Variants in CDH13 observed in about 807,000 individuals in gnomAD.
The protein encoded by CDH13 is cadherin-13.
Under a neutral mutation model 63.8 loss-of-function variants are expected in CDH13, and 24 were observed. The ratio of observed to expected loss-of-function variants is 0.38; its 90% CI spans 0.27 to 0.53. The LOEUF (loss-of-function observed/expected upper bound fraction) is 0.53, where lower values mean the gene tolerates loss of function less well. Among genes scored for constraint, CDH13 ranks in the 20% least tolerant of loss-of-function variants. CDH13 has a pLI of 0.85. For synonymous variants in CDH13, 503 were observed against 355.3 expected, an observed-to-expected ratio of 1.42 and a Z score of -4.67; for missense variants, 1,049 against 903.1, an observed-to-expected ratio of 1.16 and a Z score of -2.07.
intron 1 of CDH13, among the ~76,000 whole-genome samples, chr16:82,832,865 G>A (rs1445644315): frequency 6.6e-6 from 1 of 152,166 alleles, no homozygotes; most frequent in African/African-American, 2.4e-5. Context: ...AGGAACATAG[G>A]CAGATTTTGA....
chr16:82,716,676 G>A (rs1182099690), intron 1 of CDH13, among the ~76,000 whole-genome samples: 1 of 150,220 alleles, frequency 6.7e-6, no homozygotes, highest in South Asian at 2.2e-4. Flanking sequence ...GTATTAAGGG[G>A]GGTGACTAGT....
intron 1 of CDH13, among the ~76,000 whole-genome samples, chr16:82,835,464 A>C (rs748891795): frequency 2.0e-5 from 3 of 152,218 alleles, no homozygotes; most frequent in Non-Finnish European, 4.4e-5. Context: ...GTACCCACCC[A>C]GCAAATTTCC....
At chr16:83,018,129 A>G (rs1914983606) in intron 2 of CDH13, among the ~76,000 whole-genome samples, 1 of 152,192 alleles carries the variant, frequency 6.6e-6, no homozygotes, top group Non-Finnish European at 1.5e-5. Context: ...CCCCAGTTCT[A>G]CAAGTAAACC....
At chr16:83,399,042 C>A (rs1220330578) in intron 6 of CDH13, among the ~76,000 whole-genome samples, 4 of 152,210 alleles carry the variant, frequency 2.6e-5, no homozygotes, top group Non-Finnish European at 5.9e-5. Context: ...ATAGACCATT[C>A]AAATGCTTTA....
intron 6 of CDH13, among the ~76,000 whole-genome samples, chr16:83,474,723 C>G (rs1174920755): frequency 6.6e-6 from 1 of 152,152 alleles, no homozygotes; most frequent in Non-Finnish European, 1.5e-5. Flanking sequence ...GCTGGGAGCC[C>G]GAGGAATAAA....
At chr16:82,774,993 G>A (rs1476917393) in intron 1 of CDH13, among the ~76,000 whole-genome samples, 1 of 152,214 alleles carries the variant, frequency 6.6e-6, no homozygotes, top group Non-Finnish European at 1.5e-5. Context: ...CCAGGAGCAA[G>A]ATTGGGTTGC....
chr16:83,781,286 A>C (rs1202145731), intron 12 of CDH13, among the ~76,000 whole-genome samples: 1 of 152,164 alleles, frequency 6.6e-6, no homozygotes, highest in Non-Finnish European at 1.5e-5. Context: ...ATGTAAACTA[A>C]CTACCAAGTT....
At chr16:82,975,902 T>A (rs757120059) in intron 2 of CDH13, among the ~76,000 whole-genome samples, 2 of 152,142 alleles carry the variant, frequency 1.3e-5, no homozygotes, top group African/African-American at 2.4e-5. Flanking sequence ...ATACAACTTA[T>A]TTTACTGACA....
At chr16:82,812,818 C>T (rs111342457) in intron 1 of CDH13, among the ~76,000 whole-genome samples, 10 of 150,770 alleles carry the variant, frequency 6.6e-5, no homozygotes, top group African/African-American at 2.4e-4. Flanking sequence ...CTTTTTCCTT[C>T]CTTCCTTCCT....
chr16:83,275,932 A>G (rs566204098), intron 5 of CDH13, among the ~76,000 whole-genome samples: 127 of 152,294 alleles, frequency 8.3e-4, no homozygotes, highest in Non-Finnish European at 1.5e-3. Context: ...TTTATGTTCT[A>G]TAATAGAAAA....
At chr16:83,260,098 A>ACG (rs1906788172) in intron 5 of CDH13, among the ~76,000 whole-genome samples, 1 of 4,208 alleles carries the variant, frequency 2.4e-4, no homozygotes, top group African/African-American at 5.1e-4. Flanking sequence ...TACCCCCAAT[A>ACG]CACACACACA....
intron 5 of CDH13, among the ~76,000 whole-genome samples, chr16:83,240,634 G>C (rs571726193): frequency 2.7e-5 from 4 of 146,056 alleles, no homozygotes; most frequent in African/African-American, 1.0e-4. Context: ...GTTGAGGGTA[G>C]TGGGAAGATT....
chr16:82,858,311 G>C, intron 1 of CDH13, 51 bp from the exon 2 acceptor site: 1 of 1,261,020 alleles, frequency 7.9e-7, no homozygotes, highest in South Asian at 1.2e-5. Flanking sequence ...AAAGTTAGCA[G>C]GGCAAACACA....
At chr16:83,115,147 A>T (rs2035234501) in intron 3 of CDH13, among the ~76,000 whole-genome samples, 1 of 152,178 alleles carries the variant, frequency 6.6e-6, no homozygotes, top group Admixed American at 6.5e-5. Context: ...TCCAGCAGCA[A>T]CCCTGGGGAG....
chr16:82,834,500 G>C (rs892041622), intron 1 of CDH13, among the ~76,000 whole-genome samples: 10 of 152,160 alleles, frequency 6.6e-5, no homozygotes, highest in African/African-American at 2.4e-4. Context: ...ATAAAGAGGT[G>C]CCTTCCATTG....
chr16:83,552,391 C>G (rs911164343), intron 7 of CDH13, among the ~76,000 whole-genome samples: 5 of 152,202 alleles, frequency 3.3e-5, no homozygotes, highest in African/African-American at 1.2e-4. Context: ...ACTCCTGTAA[C>G]TGTCAGTTCC....
At chr16:83,103,200 A>G (rs920178186) in intron 3 of CDH13, among the ~76,000 whole-genome samples, 1 of 138,962 alleles carries the variant, frequency 7.2e-6, no homozygotes, top group Non-Finnish European at 1.5e-5. Flanking sequence ...TGATCCACCC[A>G]CCTCAACCTC....
chr16:83,768,955 T>A (rs1051203197), intron 11 of CDH13, among the ~76,000 whole-genome samples: 2 of 152,176 alleles, frequency 1.3e-5, no homozygotes, highest in African/African-American at 4.8e-5. Context: ...GCCCAGTAGG[T>A]CTCATCCTCA....
chr16:83,111,428 G>A (rs570634105), intron 3 of CDH13, among the ~76,000 whole-genome samples: 2 of 152,258 alleles, frequency 1.3e-5, no homozygotes, highest in Admixed American at 6.5e-5. Flanking sequence ...ATATTGATTT[G>A]TTTGCCAAAT....
Sources: allele counts gnomAD v4.1 joint callset (sites outside exome capture counted in the v4.1 genomes callset), GRCh38; gene constraint gnomAD v4.1.1; transcripts MANE v1.5; gene names NCBI Gene and HGNC (gene_info 2026-07-23, HGNC 2026-07-21).